The following GHR variants were observed in gnomAD, a reference collection of about 807,000 sequenced individuals.
GHR encodes the protein GH receptor.
GHR carries 35 observed loss-of-function variants against 67.1 expected under a neutral mutation model. That is an observed-to-expected ratio of 0.52 (90% CI 0.40 to 0.69). The LOEUF is 0.69. Ranked by LOEUF, GHR falls within the 30% of genes least tolerant of loss-of-function variation. GHR has a pLI of 0.00. For synonymous variants in GHR, 272 were observed against 269.1 expected, an observed-to-expected ratio of 1.01 and a Z score of -0.10; for missense variants, 792 against 764.6, an observed-to-expected ratio of 1.04 and a Z score of -0.42.
intron 1 of GHR, among the ~76,000 whole-genome samples, chr5:42,479,498 G>A (rs928753021): frequency 3.3e-5 from 5 of 152,188 alleles, no homozygotes; most frequent in African/African-American, 1.2e-4. Context: ...GAATTCGGCT[G>A]TGAATCCATC....
chr5:42,493,644 C>T (rs932154202), intron 1 of GHR, among the ~76,000 whole-genome samples: 4 of 151,984 alleles, frequency 2.6e-5, no homozygotes, highest in Non-Finnish European at 2.9e-5. Context: ...TCCTTTAATG[C>T]CTATAAATTT....
At chr5:42,582,764 C>T (rs2112562920) in intron 2 of GHR, among the ~76,000 whole-genome samples, 1 of 152,354 alleles carries the variant, frequency 6.6e-6, no homozygotes, top group Non-Finnish European at 1.5e-5. Flanking sequence ...CAGGCGTCAC[C>T]ACATTCCCCT....
intron 1 of GHR, chr5:42,467,228 C>T: frequency 4.1e-6 from 6 of 1,471,574 alleles, no homozygotes; most frequent in South Asian, 2.3e-5. Flanking sequence ...TAAGGTTTCT[C>T]TGCAGTGTGA....
chr5:42,686,491 G>A (rs762523650), intron 3 of GHR, among the ~76,000 whole-genome samples: 21 of 152,070 alleles, frequency 1.4e-4, no homozygotes, highest in Admixed American at 4.6e-4. Flanking sequence ...CGATCAAGTC[G>A]GCTTCATCCC....
At chr5:42,490,780 T>C (rs1456297611) in intron 1 of GHR, among the ~76,000 whole-genome samples, 1 of 152,208 alleles carries the variant, frequency 6.6e-6, no homozygotes, top group East Asian at 1.9e-4. Context: ...GACTATAAAA[T>C]ACAGATATCA....
chr5:42,438,341 G>T (rs1743423296), intron 1 of GHR, among the ~76,000 whole-genome samples: 1 of 152,154 alleles, frequency 6.6e-6, no homozygotes, highest in African/African-American at 2.4e-5. Flanking sequence ...CAACTCCCAT[G>T]CTTCTAACCA....
intron 1 of GHR, among the ~76,000 whole-genome samples, chr5:42,430,138 C>A (rs1010746574): frequency 6.6e-6 from 1 of 152,190 alleles, no homozygotes; most frequent in Non-Finnish European, 1.5e-5. Flanking sequence ...AGGAGCTGGA[C>A]AAAGGCCCTG....
intron 1 of GHR, among the ~76,000 whole-genome samples, chr5:42,530,304 T>C (rs532812714): frequency 6.6e-6 from 1 of 152,284 alleles, no homozygotes; most frequent in Non-Finnish European, 1.5e-5. Flanking sequence ...GCTGTTTAAT[T>C]TTAGAAGCAT....
At chr5:42,673,754 G>C (rs1281589186) in intron 3 of GHR, among the ~76,000 whole-genome samples, 5 of 152,128 alleles carry the variant, frequency 3.3e-5, no homozygotes, top group Non-Finnish European at 7.4e-5. Context: ...GGCAACAATA[G>C]AAACTGGGGA....
At chr5:42,713,657 G>C in intron 8 of GHR, 138 bp downstream of exon 8, 2 of 651,822 alleles carry the variant, frequency 3.1e-6, no homozygotes, top group Non-Finnish European at 2.8e-6. Flanking sequence ...TTTATCTCCA[G>C]TTATATATTT....
intron 3 of GHR, among the ~76,000 whole-genome samples, chr5:42,639,379 G>A (rs1754357584): frequency 6.6e-6 from 1 of 152,152 alleles, no homozygotes; most frequent in Non-Finnish European, 1.5e-5. Context: ...TGTATTTTCA[G>A]AGACAATTTC....
At chr5:42,547,663 G>A (rs1748800163) in intron 1 of GHR, among the ~76,000 whole-genome samples, 1 of 152,148 alleles carries the variant, frequency 6.6e-6, no homozygotes, top group Admixed American at 6.5e-5. Flanking sequence ...ATACTTAGTT[G>A]ATTAGGACTT....
rs558555282 is a variant in GHR, at chr5:42,673,779, A to C, written c.137-15111A>C. ...GAAACTGGGGACTAACAGAGTAGGGAGGTAGGGAGCAGAGAGAGGACTAAA... is the reference window on the plus strand; with the variant it reads ...GAAACTGGGGACTAACAGAGTAGGGCGGTAGGGAGCAGAGAGAGGACTAAA... On this transcript the variant is annotated intron_variant, in intron 3 of 9. Transcript: ENST00000230882. Among the ~76,000 whole-genome samples, 17 of 152,240 alleles carry C rather than the reference A, an allele frequency of 1.1e-4. 1 individual carries two copies. The South Asian group carries it at 2.5e-3, about 22-fold the overall frequency.
intron 2 of GHR, among the ~76,000 whole-genome samples, chr5:42,570,727 C>T (rs191080644): frequency 1.4e-3 from 218 of 152,214 alleles, no homozygotes; most frequent in African/African-American, 4.9e-3. Context: ...TTAAGGAGCT[C>T]ACAGTCTTTA....
chr5:42,703,366 A>G (rs1320828025), intron 6 of GHR, among the ~76,000 whole-genome samples: 2 of 151,964 alleles, frequency 1.3e-5, no homozygotes, highest in Non-Finnish European at 2.9e-5. Flanking sequence ...TTTACTGTAA[A>G]TGTGTGGATT....
intron 1 of GHR, among the ~76,000 whole-genome samples, chr5:42,445,134 G>T (rs1251577421): frequency 1.3e-5 from 2 of 152,146 alleles, no homozygotes; most frequent in Non-Finnish European, 2.9e-5. Flanking sequence ...TGAATTTTTT[G>T]TGTGTTCTCT....
intron 3 of GHR, among the ~76,000 whole-genome samples, chr5:42,652,098 G>A (rs1309165400): frequency 1.3e-5 from 2 of 152,072 alleles, no homozygotes; most frequent in Admixed American, 1.3e-4. Flanking sequence ...TCTGCTGCAG[G>A]AATTAAGTAA....
intron 1 of GHR, among the ~76,000 whole-genome samples, chr5:42,462,925 G>A (rs1744550706): frequency 6.6e-6 from 1 of 151,854 alleles, no homozygotes; most frequent in South Asian, 2.1e-4. Flanking sequence ...TGTAACTTAA[G>A]CTTTTGAAAA....
rs374223266 is a variant in GHR at position 42,464,523 on chromosome 5, A to G, written c.-12+40568A>G. Among the ~76,000 whole-genome samples the G allele has an allele frequency of 1.3e-4, 20 of 152,302 alleles. No individual in the cohort carries two copies. In the South Asian group the frequency reaches 3.9e-3, roughly 30 times the overall value. On this transcript the variant is annotated intron_variant, in intron 1 of 9. Transcript: ENST00000230882. ...CTCAGAAAGAGAGTGGACCAAGTCA[A>G]GAGGAAAGAGAGAAGAAACAGGCAA... is the stretch of plus-strand genomic sequence containing the variant.
Sources: allele counts gnomAD v4.1 joint callset (sites outside exome capture counted in the v4.1 genomes callset), GRCh38; gene constraint gnomAD v4.1.1; transcripts MANE v1.5; gene names NCBI Gene and HGNC (gene_info 2026-07-23, HGNC 2026-07-21).